PDE8B: variants seen among roughly 807,000 people sequenced by gnomAD.
The protein encoded by PDE8B is phosphodiesterase 8B.
A neutral mutation model predicts 101.3 loss-of-function variants in PDE8B; 26 were observed. That is an observed-to-expected ratio of 0.26 (90% CI 0.19 to 0.36). PDE8B has a LOEUF of 0.36. Among genes scored for constraint, PDE8B ranks in the 10% least tolerant of loss-of-function variants. The pLI is 1.00. For synonymous variants in PDE8B, 424 were observed against 429.3 expected (o/e 0.99, Z 0.15); for missense variants, 810 against 1,163.1 (o/e 0.70, Z 4.42).
At chr5:77,237,957 TAGTCATTTGAATTATGG>T (rs1393223470) in intron 1 of PDE8B, among the ~76,000 whole-genome samples, 1 of 152,212 alleles carries the variant, frequency 6.6e-6, no homozygotes, top group African/African-American at 2.4e-5. Flanking sequence ...GAGAAACCTT[TAGTCATTTGAATTATGG>T]TCCCCCTGTA....
At position 77,390,582 on chromosome 5, in the gene PDE8B, G is replaced by A. The variant is rs1447011594; in HGVS notation, c.1168-9666G>A. ...CTACAGAGAGACTGACTGGCATGGG[G>A]CATTGATGCCATTGAATCCCCGTCC... On this transcript the variant is annotated intron_variant, in intron 10 of 21. Transcript: ENST00000264917. Among the ~76,000 whole-genome samples, 23 of 152,206 alleles carry A rather than the reference G, an allele frequency of 1.5e-4. 1 individual carries two copies. Among genetic ancestry groups the A allele is most frequent in the Admixed American group, 1.5e-3 (23 of 15,286 alleles).
At chr5:77,208,612 A>G (rs998887559), upstream of PDE8B, among the ~76,000 whole-genome samples, 4 of 152,202 alleles carry the variant, frequency 2.6e-5, no homozygotes, top group Non-Finnish European at 4.4e-5. Context: ...GTGTTCTTAC[A>G]GGCATGGATG....
At chr5:77,290,139 G>A (rs1296830445) in intron 1 of PDE8B, 10 of 1,188,142 alleles carry the variant, frequency 8.4e-6, no homozygotes, top group African/African-American at 1.5e-5. Flanking sequence ...CTAGTTCCAC[G>A]TGTGGAAAAT....
chr5:77,325,817 A>C, intron 3 of PDE8B, 88 bp downstream of exon 3: 1 of 938,204 alleles, frequency 1.1e-6, no homozygotes, highest in Non-Finnish European at 1.7e-6. Context: ...GTTTATTTCA[A>C]ATATTTTTAA....
At chr5:77,133,212 A>G in the PDE8B span, among the ~76,000 whole-genome samples, 13 of 152,224 alleles carry the variant, frequency 8.5e-5, no homozygotes, top group Admixed American at 6.5e-5. Flanking sequence ...GGCTTATGCC[A>G]TCAGAAGCAC....
intron 10 of PDE8B, among the ~76,000 whole-genome samples, chr5:77,384,396 C>CT (rs1162872561): frequency 1.3e-5 from 2 of 152,128 alleles, no homozygotes; most frequent in Non-Finnish European, 2.9e-5. Context: ...GATGGGTTTT[C>CT]TAAATATACA....
At chr5:77,379,374 T>A (rs180902923) in intron 10 of PDE8B, among the ~76,000 whole-genome samples, 33 of 152,324 alleles carry the variant, frequency 2.2e-4, no homozygotes, top group Admixed American at 3.9e-4. Context: ...CATATGCAGT[T>A]TCATCTATAT....
intron 1 of PDE8B, among the ~76,000 whole-genome samples, chr5:77,306,419 C>T (rs1245953678): frequency 6.6e-6 from 1 of 152,082 alleles, no homozygotes; most frequent in Admixed American, 6.5e-5. Context: ...ACAGTCTTGC[C>T]AAGGAGTGAG....
intron 6 of PDE8B, among the ~76,000 whole-genome samples, chr5:77,342,170 A>G (rs1779316798): frequency 6.6e-6 from 1 of 152,234 alleles, no homozygotes; most frequent in South Asian, 2.1e-4. Flanking sequence ...GCCTTTTGAA[A>G]GCCTTAGAGA....
chr5:77,215,122 T>C (rs531716421), intron 1 of PDE8B, among the ~76,000 whole-genome samples: 8 of 152,176 alleles, frequency 5.3e-5, no homozygotes, highest in Non-Finnish European at 7.3e-5. Flanking sequence ...AAAAAGTCTG[T>C]AAGTGAGGAG....
intron 10 of PDE8B, among the ~76,000 whole-genome samples, chr5:77,372,952 T>C (rs1486553738): frequency 6.6e-6 from 1 of 151,822 alleles, no homozygotes; most frequent in Non-Finnish European, 1.5e-5. Context: ...CACTTTAACC[T>C]GGGAGGAAGA....
intron 1 of PDE8B, among the ~76,000 whole-genome samples, chr5:77,279,318 T>C (rs1459262979): frequency 6.6e-6 from 1 of 152,240 alleles, no homozygotes. Context: ...AAATTACTTT[T>C]ATTTTATGCT....
the PDE8B span, among the ~76,000 whole-genome samples, chr5:77,096,012 A>T: frequency 2.8e-4 from 42 of 151,704 alleles, no homozygotes; most frequent in African/African-American, 1.0e-3. Flanking sequence ...TTTTTTTGAG[A>T]TGGAGTCTCA....
chr5:77,337,596 C>T (rs899958725), intron 6 of PDE8B, among the ~76,000 whole-genome samples: 1 of 152,088 alleles, frequency 6.6e-6, no homozygotes, highest in African/African-American at 2.4e-5. Flanking sequence ...ACAATTAGAT[C>T]GAGATTAGGA....
chr5:77,182,237 C>T, the PDE8B span, among the ~76,000 whole-genome samples: 1 of 151,852 alleles, frequency 6.6e-6, no homozygotes, highest in Admixed American at 6.6e-5. Context: ...AGTCTTGCTA[C>T]AGATTGTACT....
At chr5:77,097,255 G>A in the PDE8B span, among the ~76,000 whole-genome samples, 23 of 152,116 alleles carry the variant, frequency 1.5e-4, no homozygotes, top group Admixed American at 2.0e-4. Context: ...GGGGAGCCAC[G>A]GTGGGAGAGA....
chr5:77,089,789 C>T, the PDE8B span, among the ~76,000 whole-genome samples: 1 of 152,194 alleles, frequency 6.6e-6, no homozygotes, highest in Non-Finnish European at 1.5e-5. Flanking sequence ...ATCAATTCCA[C>T]CACTGGTTAT....
At chr5:77,214,531 C>G (rs184447499) in intron 1 of PDE8B, among the ~76,000 whole-genome samples, 1 of 152,254 alleles carries the variant, frequency 6.6e-6, no homozygotes. Context: ...AATGGTGTGC[C>G]TAAGCCAGTT....
intron 1 of PDE8B, among the ~76,000 whole-genome samples, chr5:77,229,384 A>G (rs1753082755): frequency 6.6e-6 from 1 of 152,224 alleles, no homozygotes; most frequent in African/African-American, 2.4e-5. Context: ...ACTGCTATAG[A>G]ATACCATTCA....
Sources: allele counts gnomAD v4.1 joint callset (sites outside exome capture counted in the v4.1 genomes callset), GRCh38; gene constraint gnomAD v4.1.1; transcripts MANE v1.5; gene names NCBI Gene and HGNC (gene_info 2026-07-23, HGNC 2026-07-21).